The following RIPOR2 variants were observed in gnomAD, a reference collection of about 807,000 sequenced individuals.
RIPOR2 encodes the protein RHO family interacting cell polarization regulator 2.
A neutral mutation model predicts 114.5 loss-of-function variants in RIPOR2; 39 were observed. The ratio of observed to expected loss-of-function variants is 0.34; its 90% CI spans 0.26 to 0.44. The LOEUF (loss-of-function observed/expected upper bound fraction) is 0.44, where lower values mean the gene tolerates loss of function less well. Among genes scored for constraint, RIPOR2 ranks in the 20% least tolerant of loss-of-function variants. The pLI, the probability that RIPOR2 is intolerant of heterozygous loss-of-function variation, is 1.00. For missense variants in RIPOR2, 1,007 were observed against 1,255.1 expected (o/e 0.80, Z 2.99); for synonymous variants, 445 against 484.4 (o/e 0.92, Z 1.07).
Position 24,995,800 on chromosome 6 carries a change from A to ATTT in RIPOR2, c.76+46048_76+46050dup, listed in dbSNP as rs35560241. Among the ~76,000 whole-genome samples, 198 of 136,710 alleles carry ATTT rather than the reference A, an allele frequency of 1.4e-3. 1 individual carries two copies. The East Asian group carries it at 0.015, about 10-fold the overall frequency. The allele number at this position is 136,710 out of a possible 152,430, so 89.7% of individuals were successfully genotyped here. On this transcript the variant is annotated intron_variant, in intron 1 of 13. Transcript: ENST00000510784. ...TACTCTCAAATCTGCAACTAGAGTG[A>ATTT]TTTTTTTTTTTTTTTTTTTGAGATG...
At chr6:24,827,904 C>T (rs1291514666) in intron 18 of RIPOR2, among the ~76,000 whole-genome samples, 1 of 152,212 alleles carries the variant, frequency 6.6e-6, no homozygotes, top group East Asian at 1.9e-4. Context: ...TTACCAGCTT[C>T]CTGTAAATGG....
At position 24,948,908 on chromosome 6, in the gene RIPOR2, T is replaced by C. The variant is rs142629234; in HGVS notation, c.77-73091A>G. 4.7e-3 allele frequency among the ~76,000 whole-genome samples: 721 copies of C among 152,244 alleles called. 2 individuals are homozygous for C. Among genetic ancestry groups the C allele is most frequent in the South Asian group, 0.017 (82 of 4,826 alleles). ...CACAGGGAAACTTTGTAACGACCAA[T>C]GGGTCAAGCTTCTGAGGCACTGGTT... is the stretch of plus-strand genomic sequence containing the variant. On this transcript the variant is annotated intron_variant, in intron 1 of 13. Coordinates refer to the RIPOR2 transcript ENST00000510784.
intron 5 of RIPOR2, among the ~76,000 whole-genome samples, chr6:24,869,713 T>G (rs1764973639): frequency 6.6e-6 from 1 of 152,166 alleles, no homozygotes; most frequent in Admixed American, 6.6e-5. Flanking sequence ...GAAAGGCCAA[T>G]CCAATGGAAG....
At chr6:24,943,648 G>A (rs893645917) in intron 1 of RIPOR2, among the ~76,000 whole-genome samples, 4 of 151,948 alleles carry the variant, frequency 2.6e-5, no homozygotes, top group African/African-American at 9.7e-5. Flanking sequence ...AGAACAATGA[G>A]TTTTATGGCA....
At chr6:24,924,939 T>C (rs1195255349) in intron 1 of RIPOR2, among the ~76,000 whole-genome samples, 1 of 152,188 alleles carries the variant, frequency 6.6e-6, no homozygotes, top group Non-Finnish European at 1.5e-5. Flanking sequence ...AAATTTCACA[T>C]ATTGTTATTG....
chr6:24,918,305 A>C (rs565617648), intron 1 of RIPOR2, among the ~76,000 whole-genome samples: 1 of 152,300 alleles, frequency 6.6e-6, no homozygotes, highest in East Asian at 1.9e-4. Flanking sequence ...GATAATCATT[A>C]ATCATTACCT....
At chr6:24,895,859 C>T (rs1224232018) in intron 1 of RIPOR2, among the ~76,000 whole-genome samples, 5 of 152,058 alleles carry the variant, frequency 3.3e-5, no homozygotes, top group Non-Finnish European at 4.4e-5. Context: ...GGCGTGGTGG[C>T]GGGCACCTGT....
At chr6:24,887,584 C>T (rs1005681004) in intron 1 of RIPOR2, among the ~76,000 whole-genome samples, 5 of 152,184 alleles carry the variant, frequency 3.3e-5, no homozygotes, top group Admixed American at 2.0e-4. Context: ...TGAAGAAACA[C>T]ATAGAGATGA....
intron 15 of RIPOR2, among the ~76,000 whole-genome samples, chr6:24,832,633 C>A (rs1280486561): frequency 6.6e-6 from 1 of 152,162 alleles, no homozygotes; most frequent in Non-Finnish European, 1.5e-5. Flanking sequence ...AGTAGTAGGT[C>A]TACAAGGTTA....
chr6:24,932,319 T>C (rs1324646583), intron 1 of RIPOR2, among the ~76,000 whole-genome samples: 7 of 122,168 alleles, frequency 5.7e-5, no homozygotes, highest in Admixed American at 8.0e-5. Context: ...TAAGACTGTG[T>C]GTGTGTGTGT....
intron 15 of RIPOR2, among the ~76,000 whole-genome samples, chr6:24,833,882 T>C (rs1760883742): frequency 6.6e-6 from 1 of 152,094 alleles, no homozygotes; most frequent in Non-Finnish European, 1.5e-5. Context: ...GCATGCCAAT[T>C]AGTCTTTGCG....
chr6:24,925,358 G>A (rs1770787230), intron 1 of RIPOR2, among the ~76,000 whole-genome samples: 1 of 152,150 alleles, frequency 6.6e-6, no homozygotes, highest in African/African-American at 2.4e-5. Flanking sequence ...TTTTTGCATA[G>A]GGCAGATGAT....
At chr6:24,809,598 A>C in intron 21 of RIPOR2, 119 bp downstream of exon 21, 2 of 689,966 alleles carry the variant, frequency 2.9e-6, no homozygotes, top group South Asian at 3.4e-5. Context: ...ACAGCGGGGA[A>C]ACTGCTAAAC....
chr6:24,888,005 T>G (rs989913324), intron 1 of RIPOR2, among the ~76,000 whole-genome samples: 1 of 147,868 alleles, frequency 6.8e-6, no homozygotes, highest in Non-Finnish European at 1.5e-5. Context: ...TGGTGTACAC[T>G]ACATGGCAAA....
intron 13 of RIPOR2, chr6:24,840,540 C>T: frequency 1.4e-6 from 2 of 1,436,286 alleles, no homozygotes; most frequent in Non-Finnish European, 1.8e-6. Context: ...GGGACAAATT[C>T]TGCAAGTTAG....
At chr6:24,981,491 C>T (rs1774294859) in intron 1 of RIPOR2, among the ~76,000 whole-genome samples, 1 of 152,228 alleles carries the variant, frequency 6.6e-6, no homozygotes, top group Admixed American at 6.5e-5. Flanking sequence ...ACAGCCCCCA[C>T]TGCCCTGCAT....
chr6:25,038,397 A>G (rs1191360031), intron 1 of RIPOR2, among the ~76,000 whole-genome samples: 1 of 152,254 alleles, frequency 6.6e-6, no homozygotes, highest in African/African-American at 2.4e-5. Context: ...GGGATTTTTC[A>G]AATGTAATTA....
chr6:24,881,580 C>T (rs1766358538), intron 1 of RIPOR2, among the ~76,000 whole-genome samples: 1 of 152,220 alleles, frequency 6.6e-6, no homozygotes, highest in South Asian at 2.1e-4. Context: ...TGTTTCTCGT[C>T]CCAGTTTCTT....
intron 12 of RIPOR2, chr6:24,847,771 T>C (rs1762463892): frequency 7.1e-7 from 1 of 1,400,876 alleles, no homozygotes; most frequent in Non-Finnish European, 9.6e-7. Context: ...AGCAAGCATT[T>C]TTGATTAAAA....
Sources: allele counts gnomAD v4.1 joint callset (sites outside exome capture counted in the v4.1 genomes callset), GRCh38; gene constraint gnomAD v4.1.1; transcripts MANE v1.5; gene names NCBI Gene and HGNC (gene_info 2026-07-23, HGNC 2026-07-21).